CNTN5: variants seen among roughly 807,000 people sequenced by gnomAD.
The protein encoded by CNTN5 is contactin 5, also known as contactin-5.
Under a neutral mutation model 129.1 loss-of-function variants are expected in CNTN5, and 77 were observed. That is an observed-to-expected ratio of 0.60 (90% CI 0.50 to 0.72). The LOEUF is 0.72. Ranked by LOEUF, CNTN5 falls within the 30% of genes least tolerant of loss-of-function variation. The probability of loss-of-function intolerance (pLI) is 0.00; values close to 1 mark genes in which losing one functional copy is unlikely to be tolerated. For synonymous variants in CNTN5, 509 were observed against 465.6 expected, an observed-to-expected ratio of 1.09 and a Z score of -1.20; for missense variants, 1,478 against 1,328.8, an observed-to-expected ratio of 1.11 and a Z score of -1.75.
At chr11:99,207,119 A>G (rs565108327) in intron 1 of CNTN5, among the ~76,000 whole-genome samples, 15 of 152,226 alleles carry the variant, frequency 9.9e-5, no homozygotes, top group African/African-American at 3.6e-4. Flanking sequence ...AAAATTTATA[A>G]GTGGTATTAA....
intron 1 of CNTN5, among the ~76,000 whole-genome samples, chr11:99,308,583 G>A (rs1017944847): frequency 1.3e-5 from 2 of 152,064 alleles, no homozygotes; most frequent in Non-Finnish European, 2.9e-5. Context: ...AAAATACCAA[G>A]AGAAAACATA....
intron 3 of CNTN5, among the ~76,000 whole-genome samples, chr11:99,720,719 C>T (rs528433038): frequency 4.6e-5 from 7 of 152,074 alleles, no homozygotes; most frequent in Non-Finnish European, 1.0e-4. Context: ...TTTCATTTTG[C>T]AGGTGACATG....
intron 6 of CNTN5, among the ~76,000 whole-genome samples, chr11:99,879,389 T>A (rs754350323): frequency 6.6e-6 from 1 of 152,206 alleles, no homozygotes; most frequent in Non-Finnish European, 1.5e-5. Context: ...TAATTTTTTC[T>A]TAGTTACTGA....
intron 8 of CNTN5, among the ~76,000 whole-genome samples, chr11:99,968,656 C>CTCTTTTT (rs1951161575): frequency 1.8e-4 from 13 of 73,910 alleles, no homozygotes; most frequent in African/African-American, 3.9e-4. Flanking sequence ...GCTTTGGGTA[C>CTCTTTTT]TTTTTTTTTT....
chr11:99,904,544 A>C (rs1423386961), intron 6 of CNTN5, among the ~76,000 whole-genome samples: 7 of 152,104 alleles, frequency 4.6e-5, no homozygotes, highest in Admixed American at 2.6e-4. Context: ...TCTATCATTG[A>C]TGGGCATTTG....
chr11:99,274,789 A>G (rs1217908537), intron 1 of CNTN5, among the ~76,000 whole-genome samples: 1 of 151,474 alleles, frequency 6.6e-6, no homozygotes, highest in Non-Finnish European at 1.5e-5. Context: ...TTTCCACATT[A>G]GTAAATGGAG....
intron 1 of CNTN5, among the ~76,000 whole-genome samples, chr11:99,073,797 C>A (rs933079114): frequency 6.6e-6 from 1 of 151,766 alleles, no homozygotes; most frequent in African/African-American, 2.4e-5. Context: ...AGTCTATCTT[C>A]CAAGTCTTTG....
At chr11:99,791,697 T>A (rs558815400) in intron 3 of CNTN5, among the ~76,000 whole-genome samples, 14 of 152,334 alleles carry the variant, frequency 9.2e-5, no homozygotes, top group African/African-American at 3.1e-4. Context: ...ATCTGTAGAT[T>A]GCTTTGGGCA....
rs202226763 is a variant in CNTN5, at chr11:100,097,981, G to GA, written c.1580+23693dup. On this transcript the variant is annotated intron_variant, in intron 13 of 24. Coordinates refer to ENST00000524871, the MANE Select transcript of CNTN5 (RefSeq NM_014361.4). Reference sequence around the variant, plus strand: ...ATTAAATCGGGGAGTTTTTTTTTAAGAAAAAATCCTTCATTTGTTTCGTTG... The same window carrying GA: ...ATTAAATCGGGGAGTTTTTTTTTAAGAAAAAAATCCTTCATTTGTTTCGTTG... 6.5e-3 allele frequency among the ~76,000 whole-genome samples: 992 copies of GA among 151,690 alleles called. 10 individuals are homozygous for GA. The highest frequency in any genetic ancestry group is 0.022 in the African/African-American group (900 of 41,320).
chr11:99,078,077 TATTA>T (rs1167597671), intron 1 of CNTN5, among the ~76,000 whole-genome samples: 7 of 152,156 alleles, frequency 4.6e-5, no homozygotes, highest in Admixed American at 1.3e-4. Context: ...TCAATTCAAT[TATTA>T]ATTAATGGGG....
chr11:99,154,643 T>C (rs972423403), intron 1 of CNTN5, among the ~76,000 whole-genome samples: 5 of 152,060 alleles, frequency 3.3e-5, no homozygotes, highest in Non-Finnish European at 5.9e-5. Flanking sequence ...TAGACACACA[T>C]TGGTTGGGGC....
intron 1 of CNTN5, among the ~76,000 whole-genome samples, chr11:99,232,725 T>C (rs1861067361): frequency 6.6e-6 from 1 of 152,204 alleles, no homozygotes; most frequent in Non-Finnish European, 1.5e-5. Flanking sequence ...TTTCAATTAG[T>C]AATTGGTAAC....
At chr11:99,751,194 G>A (rs1423510274) in intron 3 of CNTN5, among the ~76,000 whole-genome samples, 1 of 152,074 alleles carries the variant, frequency 6.6e-6, no homozygotes, top group Admixed American at 6.6e-5. Flanking sequence ...AAAACTTCCT[G>A]GGTGTGGCGG....
chr11:99,267,742 A>G, intron 1 of CNTN5, among the ~76,000 whole-genome samples: 1 of 151,978 alleles, frequency 6.6e-6, no homozygotes, highest in Non-Finnish European at 1.5e-5. Flanking sequence ...ATTGAATTCC[A>G]TTTGCTTCAT....
chr11:99,958,643 T>C (rs1351814624), intron 8 of CNTN5, among the ~76,000 whole-genome samples: 2 of 152,092 alleles, frequency 1.3e-5, no homozygotes, highest in South Asian at 4.1e-4. Flanking sequence ...TGTGTAAGAG[T>C]GTCTATAGAT....
chr11:99,921,918 G>T (rs1249012575), intron 7 of CNTN5, among the ~76,000 whole-genome samples: 1 of 152,116 alleles, frequency 6.6e-6, no homozygotes, highest in Non-Finnish European at 1.5e-5. Context: ...TAATTATATT[G>T]TGAAATGGTG....
At chr11:99,919,284 CT>C (rs1949874814) in intron 7 of CNTN5, among the ~76,000 whole-genome samples, 2 of 151,624 alleles carry the variant, frequency 1.3e-5, no homozygotes, top group Non-Finnish European at 3.0e-5. Context: ...CTTTTTTTGC[CT>C]ACTTTAAGAA....
chr11:99,446,139 C>T (rs1944061925), intron 2 of CNTN5, among the ~76,000 whole-genome samples: 1 of 150,508 alleles, frequency 6.6e-6, no homozygotes, highest in Non-Finnish European at 1.5e-5. Context: ...TCCTCATCCT[C>T]ATGTTCTTGA....
chr11:99,298,265 G>C (rs1864471339), intron 1 of CNTN5, among the ~76,000 whole-genome samples: 1 of 152,228 alleles, frequency 6.6e-6, no homozygotes, highest in South Asian at 2.1e-4. Flanking sequence ...CAGATTCACA[G>C]AGACTCCAGG....
Sources: allele counts gnomAD v4.1 joint callset (sites outside exome capture counted in the v4.1 genomes callset), GRCh38; gene constraint gnomAD v4.1.1; transcripts MANE v1.5; gene names NCBI Gene and HGNC (gene_info 2026-07-23, HGNC 2026-07-21).